NEK10: variants seen among roughly 807,000 people sequenced by gnomAD.
NEK10 encodes NIMA related kinase 10.
Under a neutral mutation model 159.8 loss-of-function variants are expected in NEK10, and 122 were observed. The observed-to-expected ratio is 0.76, with a 90% CI of 0.66 to 0.89. The LOEUF (loss-of-function observed/expected upper bound fraction) is 0.89, where lower values mean the gene tolerates loss of function less well. Ranked by LOEUF, NEK10 falls within the 40% of genes least tolerant of loss-of-function variation. NEK10 has a pLI of 0.00. For missense variants in NEK10, 1,342 were observed against 1,323.1 expected (o/e 1.01, Z -0.22); for synonymous variants, 466 against 457.1 (o/e 1.02, Z -0.25).
chr3:27,170,260 C>T (rs1946834826), intron 29 of NEK10, among the ~76,000 whole-genome samples: 1 of 152,182 alleles, frequency 6.6e-6, no homozygotes, highest in African/African-American at 2.4e-5. Context: ...TGCCTGGCAT[C>T]ACCACTTATA....
At chr3:27,267,613 C>T (rs1235620227) in intron 22 of NEK10, among the ~76,000 whole-genome samples, 1 of 152,140 alleles carries the variant, frequency 6.6e-6, no homozygotes, top group Non-Finnish European at 1.5e-5. Context: ...AAACCATGCG[C>T]ATATAAGACG....
At chr3:27,250,236 G>C (rs1179613971) in intron 23 of NEK10, among the ~76,000 whole-genome samples, 1 of 150,988 alleles carries the variant, frequency 6.6e-6, no homozygotes, top group Middle Eastern at 3.2e-3. Context: ...ACCCAGGCTG[G>C]AGTGCAGTAG....
chr3:27,292,994 A>G (rs184330196), intron 16 of NEK10, among the ~76,000 whole-genome samples: 1 of 152,228 alleles, frequency 6.6e-6, no homozygotes, highest in East Asian at 1.9e-4. Context: ...ACTTGGGCCT[A>G]TGATTTTGGC....
intron 33 of NEK10, among the ~76,000 whole-genome samples, chr3:27,117,270 T>C (rs1340210516): frequency 6.6e-6 from 1 of 152,222 alleles, no homozygotes; most frequent in Non-Finnish European, 1.5e-5. Context: ...CTATTGTGAA[T>C]AGTATAGCAA....
At chr3:27,345,076 T>C (rs1453544210) in intron 4 of NEK10, among the ~76,000 whole-genome samples, 2 of 152,234 alleles carry the variant, frequency 1.3e-5, no homozygotes, top group Non-Finnish European at 2.9e-5. Flanking sequence ...TGCTACCAAA[T>C]ACATGATACA....
At chr3:27,235,644 T>G (rs1228947321) in intron 23 of NEK10, among the ~76,000 whole-genome samples, 1 of 152,112 alleles carries the variant, frequency 6.6e-6, no homozygotes, top group African/African-American at 2.4e-5. Context: ...GAAAAAGAAA[T>G]GCTTTTACAT....
chr3:27,323,643 A>G (rs886214008), intron 5 of NEK10, among the ~76,000 whole-genome samples: 6 of 152,236 alleles, frequency 3.9e-5, no homozygotes, highest in African/African-American at 9.6e-5. Context: ...TATTGAATAT[A>G]GCCAATATCC....
intron 1 of NEK10, among the ~76,000 whole-genome samples, chr3:27,368,496 A>T (rs553781907): frequency 6.6e-6 from 1 of 152,274 alleles, no homozygotes; most frequent in South Asian, 2.1e-4. Context: ...TTGATTCAAC[A>T]CCTATTAAGA....
At chr3:27,279,708 A>G (rs1002080467) in intron 22 of NEK10, among the ~76,000 whole-genome samples, 31 of 152,134 alleles carry the variant, frequency 2.0e-4, no homozygotes, top group Admixed American at 7.9e-4. Context: ...TGCCCTAACC[A>G]CACAATTGCT....
chr3:27,140,307 T>A (rs1303308606), intron 31 of NEK10, among the ~76,000 whole-genome samples: 2 of 152,170 alleles, frequency 1.3e-5, no homozygotes, highest in African/African-American at 4.8e-5. Flanking sequence ...GCCCCTTGAT[T>A]AAGTGGAAAG....
intron 34 of NEK10, 31 bp from the exon 35 acceptor site, chr3:27,116,026 A>G (rs1940368520): frequency 6.2e-7 from 1 of 1,612,368 alleles, no homozygotes; most frequent in Non-Finnish European, 8.5e-7. Flanking sequence ...TTAGTATTGA[A>G]TTAGAAGTAA....
intron 22 of NEK10, among the ~76,000 whole-genome samples, chr3:27,266,502 T>A (rs1042110772): frequency 6.6e-6 from 1 of 152,138 alleles, no homozygotes; most frequent in Admixed American, 6.5e-5. Context: ...CACTTAAGTG[T>A]CTCCTAGGCA....
At chr3:27,116,367 G>A (rs1041998472) in intron 33 of NEK10, among the ~76,000 whole-genome samples, 1 of 152,168 alleles carries the variant, frequency 6.6e-6, no homozygotes, top group East Asian at 1.9e-4. Context: ...GAAGATTAAG[G>A]GGCATTGCTC....
At chr3:27,138,994 C>T (rs1943509916) in intron 31 of NEK10, among the ~76,000 whole-genome samples, 1 of 152,160 alleles carries the variant, frequency 6.6e-6, no homozygotes, top group African/African-American at 2.4e-5. Context: ...TACAGCTCAG[C>T]TGAAGTCATG....
intron 22 of NEK10, among the ~76,000 whole-genome samples, chr3:27,262,332 G>T (rs566540426): frequency 3.3e-4 from 51 of 152,250 alleles, no homozygotes; most frequent in African/African-American, 1.2e-3. Context: ...TTCTCAAGGA[G>T]TATCTTTGTG....
intron 33 of NEK10, 25 bp from the exon 34 acceptor site, chr3:27,116,152 T>C (rs747571242): frequency 5.4e-5 from 87 of 1,608,808 alleles, no homozygotes; most frequent in Admixed American, 1.0e-4. Context: ...TTATGGAAAG[T>C]CTGACATTTG....
intron 32 of NEK10, among the ~76,000 whole-genome samples, chr3:27,123,416 G>A (rs1941557383): frequency 6.6e-6 from 1 of 151,982 alleles, no homozygotes; most frequent in Non-Finnish European, 1.5e-5. Context: ...GTAAAGGTTG[G>A]GCATTGCATA....
chr3:27,186,295 C>T (rs1472032708), intron 26 of NEK10, among the ~76,000 whole-genome samples: 1 of 152,098 alleles, frequency 6.6e-6, no homozygotes, highest in Admixed American at 6.5e-5. Flanking sequence ...ACTGTTAAGA[C>T]CAGTTTATGA....
intron 5 of NEK10, among the ~76,000 whole-genome samples, chr3:27,336,829 G>T (rs752043110): frequency 6.6e-6 from 1 of 152,002 alleles, no homozygotes; most frequent in Non-Finnish European, 1.5e-5. Flanking sequence ...AACAAACTAC[G>T]CATAGAAGGA....
Sources: gnomAD v4.1 joint callset for allele counts (sites outside exome capture counted in the v4.1 genomes callset) on GRCh38, gnomAD v4.1.1 for gene constraint, MANE v1.5 for transcripts, NCBI Gene and HGNC (gene_info 2026-07-23, HGNC 2026-07-21) for gene names.